The following PPP1CB variants were observed in gnomAD, a reference collection of about 807,000 sequenced individuals.
PPP1CB encodes protein phosphatase 1 catalytic subunit beta.
In PPP1CB, 2 loss-of-function variants were observed where a neutral mutation model predicts 43.7. That is an observed-to-expected ratio of 0.05 (90% confidence interval 0.02 to 0.14). The LOEUF (loss-of-function observed/expected upper bound fraction) is 0.14, where lower values mean the gene tolerates loss of function less well. Ranked by LOEUF, PPP1CB falls within the 10% of genes least tolerant of loss-of-function variation. The probability of loss-of-function intolerance (pLI) is 1.00; values close to 1 mark genes in which losing one functional copy is unlikely to be tolerated. For synonymous variants in PPP1CB, 136 were observed against 135.6 expected (o/e 1.00, Z -0.02); for missense variants, 84 against 398.0 (o/e 0.21, Z 6.71).
chr2:28,798,327 T>G (rs757466996), intron 7 of PPP1CB, among the ~76,000 whole-genome samples: 17 of 152,120 alleles, frequency 1.1e-4, no homozygotes, highest in African/African-American at 3.9e-4. Context: ...AGTTCTCATA[T>G]GATGCAGCAG....
At chr2:28,780,408 T>C (rs1044276763) in intron 3 of PPP1CB, among the ~76,000 whole-genome samples, 1 of 152,182 alleles carries the variant, frequency 6.6e-6, no homozygotes, top group South Asian at 2.1e-4. Context: ...TACATTCTAA[T>C]AGAAATGATT....
rs746048635 is a variant in PPP1CB, at chr2:28,799,299, G to GGTGAAGAAAGGAATTCT, written c.983_*15dup. ...CGAACAGCTAATCCGCCGAAGAAAA[G>GGTGAAGAAAGGAATTCT]GTGAAGAAAGGAATTCTGTAAAGAA... On this transcript the variant is annotated stop_gained and frameshift_variant, in exon 8 of 8. Coordinates refer to ENST00000395366, the MANE Select transcript of PPP1CB (RefSeq NM_002709.3). LOFTEE classifies it high-confidence loss of function. The GGTGAAGAAAGGAATTCT allele has an allele frequency of 8.8e-6, 14 of 1,586,396 alleles. No homozygotes were observed. The highest frequency in any genetic ancestry group is 1.2e-5 in the Non-Finnish European group (14 of 1,155,284).
chr2:28,768,945 A>G (rs986103385), intron 1 of PPP1CB, among the ~76,000 whole-genome samples: 2 of 152,198 alleles, frequency 1.3e-5, no homozygotes, highest in African/African-American at 2.4e-5. Flanking sequence ...TAGACATACA[A>G]TGGGATGGAA....
intron 1 of PPP1CB, among the ~76,000 whole-genome samples, chr2:28,758,902 T>C (rs1666552338): frequency 1.3e-5 from 2 of 152,236 alleles, no homozygotes; most frequent in South Asian, 2.1e-4. Flanking sequence ...ATTGGGAGGT[T>C]TTAACATAGC....
intron 7 of PPP1CB, among the ~76,000 whole-genome samples, chr2:28,795,810 TGTCA>T (rs1277989974): frequency 6.6e-6 from 1 of 152,214 alleles, no homozygotes; most frequent in East Asian, 1.9e-4. Flanking sequence ...TGGTCCCACT[TGTCA>T]ATCATTGTTT....
intron 7 of PPP1CB, 64 bp from the exon 8 acceptor site, chr2:28,799,135 G>A: frequency 8.8e-7 from 1 of 1,140,154 alleles, no homozygotes. Flanking sequence ...AATCACAATT[G>A]TAACAATTTT....
chr2:28,768,540 C>T (rs932914441), intron 1 of PPP1CB, among the ~76,000 whole-genome samples: 1 of 152,154 alleles, frequency 6.6e-6, no homozygotes, highest in Non-Finnish European at 1.5e-5. Context: ...AGTTCAAATC[C>T]TGCCAAGTTA....
At chr2:28,776,318 A>G (rs191043826) in intron 1 of PPP1CB, among the ~76,000 whole-genome samples, 1 of 151,730 alleles carries the variant, frequency 6.6e-6, no homozygotes, top group Non-Finnish European at 1.5e-5. Flanking sequence ...GCTGGAGTGC[A>G]ATGGGGCGAT....
intron 1 of PPP1CB, 99 bp from the exon 2 acceptor site, chr2:28,776,751 GT>G: frequency 9.0e-7 from 1 of 1,105,188 alleles, no homozygotes; most frequent in Non-Finnish European, 1.3e-6. Context: ...TTTGCTGCCT[GT>G]GTGACTTTTC....
At chr2:28,753,588 A>G (rs1666401684) in intron 1 of PPP1CB, among the ~76,000 whole-genome samples, 1 of 152,208 alleles carries the variant, frequency 6.6e-6, no homozygotes, top group Admixed American at 6.5e-5. Context: ...TTTGTTTCAG[A>G]TGTGAACATC....
intron 1 of PPP1CB, among the ~76,000 whole-genome samples, chr2:28,775,037 G>T (rs1667003917): frequency 6.6e-6 from 1 of 151,668 alleles, no homozygotes; most frequent in Admixed American, 6.6e-5. Flanking sequence ...GCATGTGGAG[G>T]CCTTTTTTTT....
intron 1 of PPP1CB, among the ~76,000 whole-genome samples, chr2:28,769,428 G>A (rs1666852645): frequency 6.6e-6 from 1 of 152,194 alleles, no homozygotes; most frequent in Admixed American, 6.5e-5. Flanking sequence ...TAGAGGCAGG[G>A]TTTCTCCATC....
At chr2:28,786,266 A>G (rs1667263867) in intron 5 of PPP1CB, among the ~76,000 whole-genome samples, 2 of 152,060 alleles carry the variant, frequency 1.3e-5, no homozygotes, top group Non-Finnish European at 1.5e-5. Context: ...GGTTCCTGCC[A>G]CTGTGCCCAG....
chr2:28,765,070 C>G (rs897499584), intron 1 of PPP1CB, among the ~76,000 whole-genome samples: 7 of 152,132 alleles, frequency 4.6e-5, no homozygotes, highest in Admixed American at 1.3e-4. Flanking sequence ...AGTATACACA[C>G]AACACACAGA....
chr2:28,776,062 A>C (rs774121382), intron 1 of PPP1CB, among the ~76,000 whole-genome samples: 1 of 151,942 alleles, frequency 6.6e-6, no homozygotes, highest in Non-Finnish European at 1.5e-5. Flanking sequence ...ACTGCTGGTA[A>C]CATTCCAAGA....
At chr2:28,779,181 G>C (rs1667098050) in intron 3 of PPP1CB, 142 bp downstream of exon 3, 4 of 594,164 alleles carry the variant, frequency 6.7e-6, no homozygotes, top group Non-Finnish European at 8.7e-6. Flanking sequence ...CCTGAAACTG[G>C]GAAACATGTT....
chr2:28,751,789 T>A, upstream of PPP1CB: 1 of 393,764 alleles, frequency 2.5e-6, no homozygotes, highest in East Asian at 7.0e-5. Flanking sequence ...GCGGAGTGAG[T>A]GGCGCTGCGG....
intron 5 of PPP1CB, among the ~76,000 whole-genome samples, chr2:28,785,493 G>T (rs887092984): frequency 8.6e-5 from 13 of 151,912 alleles, no homozygotes; most frequent in Non-Finnish European, 2.9e-5. Flanking sequence ...TAACAAACTG[G>T]TATTTAAATA....
At chr2:28,773,129 G>C (rs1666949229) in intron 1 of PPP1CB, among the ~76,000 whole-genome samples, 1 of 152,064 alleles carries the variant, frequency 6.6e-6, no homozygotes, top group Non-Finnish European at 1.5e-5. Flanking sequence ...GGTTACTCAG[G>C]TATATAGATA....
Sources: allele counts gnomAD v4.1 joint callset (sites outside exome capture counted in the v4.1 genomes callset), GRCh38; gene constraint gnomAD v4.1.1; transcripts MANE v1.5; gene names NCBI Gene and HGNC (gene_info 2026-07-23, HGNC 2026-07-21).